Variants in SYCP2L observed in about 807,000 individuals in gnomAD.
SYCP2L encodes the protein synaptonemal complex protein 2-like.
In SYCP2L, 98 loss-of-function variants were observed where a neutral mutation model predicts 125.8. The observed-to-expected ratio is 0.78, with a 90% CI of 0.66 to 0.92. The LOEUF is 0.92. Ranked by LOEUF, SYCP2L falls within the 40% of genes least tolerant of loss-of-function variation. SYCP2L has a pLI of 0.00. For synonymous variants in SYCP2L, 317 were observed against 325.4 expected (o/e 0.97, Z 0.28); for missense variants, 842 against 936.4 (o/e 0.90, Z 1.32).
chr6:10,892,220 T>C (rs1293978601), intron 2 of SYCP2L, among the ~76,000 whole-genome samples: 3 of 152,250 alleles, frequency 2.0e-5, no homozygotes, highest in Non-Finnish European at 4.4e-5. Flanking sequence ...GAGGTCAGAC[T>C]GTCAGAGATC....
At chr6:10,945,615 C>A (rs1020990027) in intron 23 of SYCP2L, among the ~76,000 whole-genome samples, 8 of 151,904 alleles carry the variant, frequency 5.3e-5, no homozygotes, top group African/African-American at 1.9e-4. Context: ...ACTAAAAATA[C>A]AAAAATTAAC....
At chr6:10,952,721 A>G (rs540452539) in intron 23 of SYCP2L, among the ~76,000 whole-genome samples, 2 of 152,302 alleles carry the variant, frequency 1.3e-5, no homozygotes. Context: ...CGGTATAGAC[A>G]CCACAGAAGA....
chr6:10,894,680 C>T lies in SYCP2L; in HGVS notation c.336+476C>T, dbSNP rs540546917. Among the ~76,000 whole-genome samples the T allele has an allele frequency of 8.6e-4, 131 of 151,578 alleles. 1 individual carries two copies. Among genetic ancestry groups the T allele is most frequent in the African/African-American group, 3.1e-3 (128 of 41,314 alleles). On this transcript the variant is annotated intron_variant, in intron 4 of 29. Transcript: ENST00000283141. The stretch of plus-strand genomic sequence containing the variant: ...AAACATTTTTGCTTATTCAAAGTTA[C>T]CCAAATTATCAGCTTTTATTCTTTT...
In SYCP2L at chr6:10,924,630, G is replaced by A; in HGVS notation, c.1207G>A (p.Glu403Lys). The part of the protein sequence containing the change: ...ISQVSIQALG[E>K]DKQMLPDQTK... Reference sequence around the variant, plus strand: ...ACAAGTTTCCATTCAAGCTTTAGGAGAAGACAAACAGGTGGCAGGTTTCAT... The same window carrying A: ...ACAAGTTTCCATTCAAGCTTTAGGAAAAGACAAACAGGTGGCAGGTTTCAT... Residue 403 changes from glutamate to lysine, a missense_variant, in exon 15 of 30, where the codon GAA (glutamate) becomes AAA (lysine). Transcript: ENST00000283141. 6.4e-7 allele frequency: 1 copy of A among 1,568,268 alleles called. No homozygotes were observed. The highest frequency in any genetic ancestry group is 8.6e-7 in the Non-Finnish European group (1 of 1,165,036).
intron 4 of SYCP2L, among the ~76,000 whole-genome samples, 194 bp from the exon 5 acceptor site, chr6:10,897,817 A>T (rs1235486857): frequency 6.6e-6 from 1 of 152,082 alleles, no homozygotes; most frequent in Non-Finnish European, 1.5e-5. Context: ...CTTACTTATG[A>T]CAGCTCTGTA....
At chr6:10,931,830 TAGCACATGCTTATAGTCCC>T (rs1424471096) in intron 20 of SYCP2L, among the ~76,000 whole-genome samples, 5 of 152,048 alleles carry the variant, frequency 3.3e-5, no homozygotes, top group Admixed American at 6.5e-5. Flanking sequence ...CCAGGCGTGG[TAGCACATGCTTATAGTCCC>T]AGCTACGCAG....
At chr6:10,951,856 G>A (rs1452376564) in intron 23 of SYCP2L, among the ~76,000 whole-genome samples, 1 of 152,214 alleles carries the variant, frequency 6.6e-6, no homozygotes, top group African/African-American at 2.4e-5. Context: ...GTTTTTAACA[G>A]AAGTTTTGTA....
intron 14 of SYCP2L, among the ~76,000 whole-genome samples, chr6:10,919,388 G>A (rs1429826435): frequency 6.6e-6 from 1 of 151,992 alleles, no homozygotes; most frequent in Non-Finnish European, 1.5e-5. Flanking sequence ...CTCCGGGCTG[G>A]TACTGGGGGT....
intron 14 of SYCP2L, among the ~76,000 whole-genome samples, chr6:10,916,939 C>T (rs1780704530): frequency 6.6e-6 from 1 of 152,190 alleles, no homozygotes; most frequent in South Asian, 2.1e-4. Context: ...TTGCAGTGAA[C>T]CAAGATTGCA....
intron 21 of SYCP2L, among the ~76,000 whole-genome samples, chr6:10,936,920 A>G (rs1211645288): frequency 6.6e-6 from 1 of 152,256 alleles, no homozygotes; most frequent in Non-Finnish European, 1.5e-5. Flanking sequence ...ATATGCACCC[A>G]ACATTACAGC....
In SYCP2L at chr6:10,915,185, G is replaced by C. The variant is rs148120075; in HGVS notation, c.1072+2258G>C. The stretch of plus-strand genomic sequence containing the variant: ...CATTAATTTTATATCTGGAAACTTT[G>C]CTGAATTCTTTTATCAGTTCAAGGA... On this transcript the variant is annotated intron_variant, in intron 14 of 29. Transcript: ENST00000283141. 1.3e-3 allele frequency among the ~76,000 whole-genome samples: 200 copies of C among 152,290 alleles called. No homozygotes were observed. The East Asian group carries it at 0.025, about 19-fold the overall frequency.
intron 8 of SYCP2L, among the ~76,000 whole-genome samples, chr6:10,903,317 G>C (rs1337109624): frequency 6.6e-6 from 1 of 152,180 alleles, no homozygotes; most frequent in Non-Finnish European, 1.5e-5. Context: ...GGGAGGCCAA[G>C]GCGGGTGGAT....
chr6:10,917,555 C>G (rs1221609731), intron 14 of SYCP2L, among the ~76,000 whole-genome samples: 1 of 152,168 alleles, frequency 6.6e-6, no homozygotes, highest in Non-Finnish European at 1.5e-5. Context: ...TTAGGTGAGT[C>G]TCTTGAAGAC....
chr6:10,950,965 T>C (rs1377019362), intron 23 of SYCP2L, among the ~76,000 whole-genome samples: 1 of 151,300 alleles, frequency 6.6e-6, no homozygotes, highest in Admixed American at 6.6e-5. Context: ...AGCCAGAGGA[T>C]AATTTTTTTT....
chr6:10,897,804 G>T (rs150096810), intron 4 of SYCP2L, among the ~76,000 whole-genome samples: 1 of 152,282 alleles, frequency 6.6e-6, no homozygotes, highest in East Asian at 1.9e-4. Flanking sequence ...TGATCTCTGA[G>T]AGCTTACTTA....
chr6:10,921,498 C>G (rs1397904425), intron 14 of SYCP2L, among the ~76,000 whole-genome samples: 1 of 152,166 alleles, frequency 6.6e-6, no homozygotes, highest in Non-Finnish European at 1.5e-5. Context: ...CTCCCACCAA[C>G]AGTGTAAAGT....
chr6:10,965,031 G>A (rs1430460607), intron 29 of SYCP2L, among the ~76,000 whole-genome samples: 1 of 152,020 alleles, frequency 6.6e-6, no homozygotes. Flanking sequence ...TTTATACTAA[G>A]GGTTAGAGAA....
chr6:10,958,976 G>C, intron 26 of SYCP2L, 101 bp downstream of exon 26: 1 of 910,228 alleles, frequency 1.1e-6, no homozygotes, highest in Non-Finnish European at 1.7e-6. Context: ...GTTGGGGCCT[G>C]AGCAGATGTG....
At chr6:10,958,896 C>G in intron 26 of SYCP2L, 21 bp downstream of exon 26, 1 of 1,607,870 alleles carries the variant, frequency 6.2e-7, no homozygotes, top group South Asian at 1.1e-5. Context: ...GGTTTCAAAA[C>G]AAGGTCGTGG....
Sources: gnomAD v4.1 joint callset for allele counts (sites outside exome capture counted in the v4.1 genomes callset) on GRCh38, gnomAD v4.1.1 for gene constraint, MANE v1.5 for transcripts, NCBI Gene and HGNC (gene_info 2026-07-23, HGNC 2026-07-21) for gene names.